Variants in ZSCAN9 observed in about 807,000 individuals in gnomAD.
ZSCAN9 encodes the protein zinc finger and SCAN domain containing 9, also known as zinc finger and SCAN domain-containing protein 9.
In ZSCAN9, 19 loss-of-function variants were observed where a neutral mutation model predicts 23.0. The observed-to-expected ratio is 0.83, with a 90% confidence interval of 0.58 to 1.21. ZSCAN9 has a LOEUF of 1.21. Among genes scored for constraint, ZSCAN9 ranks in the 50% most tolerant of loss-of-function variants. The pLI, the probability that ZSCAN9 is intolerant of heterozygous loss-of-function variation, is 0.00. For synonymous variants in ZSCAN9, 155 were observed against 164.8 expected (o/e 0.94, Z 0.46); for missense variants, 467 against 471.5 (o/e 0.99, Z 0.09).
At chr6:28,228,497 G>C in intron 3 of ZSCAN9, 1 of 160,548 alleles carries the variant, frequency 6.2e-6, no homozygotes. Flanking sequence ...TACCCGATAG[G>C]GCCCTTCCTT....
intron 3 of ZSCAN9, among the ~76,000 whole-genome samples, chr6:28,230,014 T>C (rs543559798): frequency 1.5e-4 from 23 of 152,232 alleles, no homozygotes; most frequent in African/African-American, 3.6e-4. Context: ...CCCGCCACCA[T>C]GCCCGGCTAA....
intron 3 of ZSCAN9, among the ~76,000 whole-genome samples, chr6:28,229,460 G>A (rs987250000): frequency 1.3e-5 from 2 of 152,070 alleles, no homozygotes; most frequent in African/African-American, 4.8e-5. Context: ...CATTCAACAA[G>A]TGTTTATTAA....
Position 28,227,214 on chromosome 6 carries a change from A to G in ZSCAN9, c.130A>G (p.Asn44Asp). The G allele has an allele frequency of 1.9e-6, 3 of 1,614,260 alleles. No homozygotes were observed. Among genetic ancestry groups the G allele is most frequent in the Non-Finnish European group, 2.5e-6 (3 of 1,180,048 alleles). Residue 44 changes from asparagine to aspartate, a missense_variant, in exon 2 of 4, where the codon AAT becomes GAT. Coordinates refer to ENST00000252207, the MANE Select transcript of ZSCAN9 (RefSeq NM_006299.5). The stretch of plus-strand genomic sequence containing the variant: ...GCAGGAATCCAGACTGAAACGCAGT[A>G]ATCCACTGGCAAGGGAAATCTTCCG... The part of the protein sequence containing the change: ...QWQESRLKRS[N>D]PLAREIFRRH...
intron 1 of ZSCAN9, among the ~76,000 whole-genome samples, chr6:28,226,458 A>G (rs1760119385): frequency 6.6e-6 from 1 of 152,360 alleles, no homozygotes; most frequent in Middle Eastern, 3.4e-3. Flanking sequence ...AGTGAGTTCA[A>G]ACTTTTTATT....
At chr6:28,225,404 A>C (rs1224451028) in intron 1 of ZSCAN9, 38 bp downstream of exon 1, 2 of 150,666 alleles carry the variant, frequency 1.3e-5, no homozygotes, top group Admixed American at 1.3e-4. Flanking sequence ...GAGGCGGGTC[A>C]GGGAGGGTGG....
At position 28,232,643 on chromosome 6, in the gene ZSCAN9, TTAATGAGCA is replaced by T. The variant is rs770724482; in HGVS notation, c.651_659del (p.Phe217_Gln220delinsLeu). 6 of 1,614,132 alleles carry T rather than the reference TTAATGAGCA, an allele frequency of 3.7e-6. No homozygotes were observed. The highest frequency in any genetic ancestry group is 5.1e-6 in the Non-Finnish European group (6 of 1,180,024). On this transcript the variant is annotated inframe_deletion, in exon 4 of 4. Transcript: ENST00000252207. ...ATAGTGGAACCACATGGGAAAATGT[TTAATGAGCA>T]GACCTGGGAGGTATCACAGCAGGAT...
At chr6:28,232,159 G>A (rs11962305) in intron 3 of ZSCAN9, among the ~76,000 whole-genome samples, 24 of 152,072 alleles carry the variant, frequency 1.6e-4, no homozygotes, top group South Asian at 1.0e-3. Context: ...TGGCGAAACC[G>A]CGTCTGTACT....
chr6:28,229,044 G>A (rs1760208461), intron 3 of ZSCAN9: 1 of 152,142 alleles, frequency 6.6e-6, no homozygotes, highest in Non-Finnish European at 1.5e-5. Context: ...ACTGTTTTCA[G>A]TTTCATATTA....
In ZSCAN9 at chr6:28,227,219, A is replaced by C. The variant is rs200236228; in HGVS notation, c.135A>C (p.Pro45=). 1.2e-5 allele frequency: 20 copies of C among 1,614,262 alleles called. 1 individual carries two copies. In the Admixed American group the frequency reaches 2.2e-4, roughly 17 times the overall value. The part of the protein sequence containing the change: ...WQESRLKRSN[P]LAREIFRRHF... ...AATCCAGACTGAAACGCAGTAATCC[A>C]CTGGCAAGGGAAATCTTCCGAAGGC... Residue 45 remains proline (P), a synonymous_variant, in exon 2 of 4, where the codon CCA becomes CCC. Transcript: ENST00000252207.
At chr6:28,228,807 C>A (rs994550279) in intron 3 of ZSCAN9, 1 of 154,378 alleles carries the variant, frequency 6.5e-6, no homozygotes, top group African/African-American at 2.4e-5. Flanking sequence ...ATGGGAGAAT[C>A]CAGTGAAATC....
At position 28,227,393 on chromosome 6, in the gene ZSCAN9, TCTG is replaced by T; in HGVS notation, c.311_313del (p.Leu104del). On this transcript the variant is annotated inframe_deletion, in exon 2 of 4. Coordinates refer to ENST00000252207, the MANE Select transcript of ZSCAN9 (RefSeq NM_006299.5). ...TGGTGCTGGAGCAGTTTCTATCCAT[TCTG>T]CCCAAGGAGCTCCAGGGCTGGGTGA... 1.2e-6 allele frequency: 2 copies of T among 1,614,200 alleles called. No individual in the cohort carries two copies. The highest frequency in any genetic ancestry group is 1.7e-6 in the Non-Finnish European group (2 of 1,180,036).
At chr6:28,230,946 A>G (rs923924639) in intron 3 of ZSCAN9, among the ~76,000 whole-genome samples, 5 of 152,180 alleles carry the variant, frequency 3.3e-5, no homozygotes, top group Non-Finnish European at 7.3e-5. Context: ...GAGAAGCACT[A>G]GAGCAAAGGT....
In ZSCAN9 at chr6:28,228,622, A is replaced by G. The variant is rs115713078; in HGVS notation, c.568+785A>G. The G allele has an allele frequency of 2.6e-3, 395 of 154,728 alleles. 1 individual carries two copies. Among genetic ancestry groups the G allele is most frequent in the African/African-American group, 9.0e-3 (374 of 41,652 alleles). The allele number at this position is 154,728 out of a possible 1,614,324, so 9.6% of individuals were successfully genotyped here. Reference sequence around the variant, plus strand: ...GAATACAATTTAGTCCGTAACCAGTATGTACCTCAGAAAGTCATTGTGAGT... The same window carrying G: ...GAATACAATTTAGTCCGTAACCAGTGTGTACCTCAGAAAGTCATTGTGAGT... On this transcript the variant is annotated intron_variant, in intron 3 of 3. Transcript: ENST00000252207.
chr6:28,227,695 G>A lies in ZSCAN9; in HGVS notation c.426G>A (p.Val142=). 1 of 1,590,536 alleles carries A rather than the reference G, an allele frequency of 6.3e-7. No individual in the cohort carries two copies. Among genetic ancestry groups the A allele is most frequent in the Non-Finnish European group, 8.5e-7 (1 of 1,174,602 alleles). Residue 142 remains valine, a synonymous_variant, in exon 3 of 4, where the codon GTG becomes GTA. Transcript: ENST00000252207. The stretch of plus-strand genomic sequence containing the variant: ...TCTTGTCTTTTTGTCCCCAGATGGT[G>A]GCCCACAGACACAGACAAGAAGTCC... ...RELDEPQHEM[V]AHRHRQEVLC...
intron 1 of ZSCAN9, among the ~76,000 whole-genome samples, chr6:28,225,989 C>A (rs1760104028): frequency 6.6e-6 from 1 of 152,218 alleles, no homozygotes; most frequent in African/African-American, 2.4e-5. Context: ...ATTTTGGGAA[C>A]ACCCCCATGG....
chr6:28,229,111 T>C (rs1760210281), intron 3 of ZSCAN9: 1 of 152,354 alleles, frequency 6.6e-6, no homozygotes, highest in Middle Eastern at 3.4e-3. Context: ...AGGTTCTGTT[T>C]ATTTCATTTA....
chr6:28,230,390 T>C, intron 3 of ZSCAN9: 1 of 1,536,140 alleles, frequency 6.5e-7, no homozygotes. Context: ...GGGGCCCATC[T>C]GTTCTCTACA....
intron 3 of ZSCAN9, among the ~76,000 whole-genome samples, chr6:28,229,896 C>T (rs980976001): frequency 1.3e-5 from 2 of 148,184 alleles, no homozygotes; most frequent in African/African-American, 2.5e-5. Context: ...CTCGCTCTGT[C>T]GCCCAGGCTG....
chr6:28,230,177 T>C (rs928022129), intron 3 of ZSCAN9, among the ~76,000 whole-genome samples: 9 of 152,166 alleles, frequency 5.9e-5, no homozygotes, highest in Non-Finnish European at 1.3e-4. Context: ...TATAGTTCTT[T>C]AAAGAGATGG....
Sources: allele counts gnomAD v4.1 joint callset (sites outside exome capture counted in the v4.1 genomes callset), GRCh38; gene constraint gnomAD v4.1.1; transcripts MANE v1.5; gene names NCBI Gene and HGNC (gene_info 2026-07-23, HGNC 2026-07-21).